PHLDB2: variants seen among roughly 807,000 people sequenced by gnomAD.
The protein encoded by PHLDB2 is pleckstrin homology like domain family B member 2.
In PHLDB2, 71 loss-of-function variants were observed where a neutral mutation model predicts 123.6. The ratio of observed to expected loss-of-function variants is 0.57; its 90% CI spans 0.47 to 0.70. The LOEUF (loss-of-function observed/expected upper bound fraction) is 0.70. Among genes scored for constraint, PHLDB2 ranks in the 30% least tolerant of loss-of-function variants. PHLDB2 has a pLI of 0.00. For missense variants in PHLDB2, 1,446 were observed against 1,519.5 expected (o/e 0.95, Z 0.80); for synonymous variants, 547 against 541.6 (o/e 1.01, Z -0.14).
At chr3:111,779,228 G>A (rs1184597912) in intron 1 of PHLDB2, among the ~76,000 whole-genome samples, 2 of 149,508 alleles carry the variant, frequency 1.3e-5, no homozygotes, top group Admixed American at 6.6e-5. Context: ...AACCTTTCAG[G>A]TTCCCAAAAT....
intron 1 of PHLDB2, among the ~76,000 whole-genome samples, chr3:111,875,159 T>G (rs916997932): frequency 2.3e-4 from 34 of 148,842 alleles, no homozygotes; most frequent in Non-Finnish European, 3.7e-4. Context: ...ATCAAGACTG[T>G]TTTTTTTTGC....
At chr3:111,868,473 A>G (rs1261787843) in intron 1 of PHLDB2, among the ~76,000 whole-genome samples, 1 of 151,746 alleles carries the variant, frequency 6.6e-6, no homozygotes, top group African/African-American at 2.4e-5. Flanking sequence ...TTGCTTATTC[A>G]TGAGTCTTCC....
At chr3:111,897,648 G>A (rs565118250) in intron 2 of PHLDB2, among the ~76,000 whole-genome samples, 1 of 152,364 alleles carries the variant, frequency 6.6e-6, no homozygotes, top group South Asian at 2.1e-4. Flanking sequence ...AAAATGCTGA[G>A]TAGAATTAAG....
chr3:111,942,025 T>C (rs2069930494), intron 8 of PHLDB2, among the ~76,000 whole-genome samples: 1 of 152,200 alleles, frequency 6.6e-6, no homozygotes, highest in Non-Finnish European at 1.5e-5. Flanking sequence ...ATTAGCATCC[T>C]CACTACTATT....
At chr3:111,886,630 G>T (rs1414863230) in intron 2 of PHLDB2, among the ~76,000 whole-genome samples, 1 of 152,150 alleles carries the variant, frequency 6.6e-6, no homozygotes, top group African/African-American at 2.4e-5. Flanking sequence ...GTAATCATTT[G>T]CATCACTCAT....
At chr3:111,753,107 G>A (rs985084257) in intron 1 of PHLDB2, among the ~76,000 whole-genome samples, 12 of 151,782 alleles carry the variant, frequency 7.9e-5, no homozygotes, top group Middle Eastern at 3.2e-3. Flanking sequence ...CGCAATAAAC[G>A]TATGTGTGCA....
intron 1 of PHLDB2, among the ~76,000 whole-genome samples, chr3:111,863,401 A>G (rs1487158424): frequency 6.6e-6 from 1 of 152,208 alleles, no homozygotes; most frequent in African/African-American, 2.4e-5. Context: ...TGGAAGAAAA[A>G]AAGACACCTG....
intron 1 of PHLDB2, 31 bp from the exon 2 acceptor site, chr3:111,884,033 A>T: frequency 6.4e-7 from 1 of 1,568,850 alleles, no homozygotes; most frequent in Non-Finnish European, 8.6e-7. Flanking sequence ...ATCTTCTTTA[A>T]GGCAAAATTT....
chr3:111,947,648 A>G (rs1379999198), intron 9 of PHLDB2, among the ~76,000 whole-genome samples: 1 of 152,208 alleles, frequency 6.6e-6, no homozygotes, highest in Admixed American at 6.5e-5. Flanking sequence ...GAAAAACTCA[A>G]AATTGTTCAT....
At chr3:111,752,072 A>G (rs965872944) in intron 1 of PHLDB2, among the ~76,000 whole-genome samples, 41 of 152,320 alleles carry the variant, frequency 2.7e-4, no homozygotes, top group Admixed American at 9.2e-4. Flanking sequence ...TGAGCAAACC[A>G]CAGAAACATA....
Position 111,953,938 on chromosome 3 carries a change from G to A in PHLDB2, c.2781G>A (p.Leu927=), listed in dbSNP as rs751820647. The A allele has an allele frequency of 3.3e-5, 53 of 1,613,404 alleles. No individual in the cohort carries two copies. The highest frequency in any genetic ancestry group is 1.5e-4 in the Admixed American group (9 of 59,916). Residue 927 remains leucine, a synonymous_variant, in exon 12 of 18, where the codon CTG becomes CTA. Transcript: ENST00000431670. ...CCTCCTGCTTCCCGCAGGCCCATCT[G>A]CCCCTAGGACAGAGTAACAGCTGTG... The part of the protein sequence containing the change: ...MGRSITPKAH[L]PLGQSNSCGS...
chr3:111,912,197 A>G (rs912258314), intron 2 of PHLDB2, among the ~76,000 whole-genome samples: 1 of 152,206 alleles, frequency 6.6e-6, no homozygotes, highest in Non-Finnish European at 1.5e-5. Context: ...TCCTACCTCA[A>G]GCAATGCTGT....
chr3:111,756,017 C>T (rs1409672038), intron 1 of PHLDB2, among the ~76,000 whole-genome samples: 3 of 151,972 alleles, frequency 2.0e-5, no homozygotes, highest in Non-Finnish European at 2.9e-5. Context: ...GTCTGAGAGA[C>T]AGTTTGTTAT....
intron 14 of PHLDB2, 37 bp downstream of exon 14, chr3:111,966,740 C>T: frequency 6.4e-7 from 1 of 1,562,802 alleles, no homozygotes; most frequent in Non-Finnish European, 8.8e-7. Context: ...GTCTGTGATA[C>T]CGTGGTGCAG....
chr3:111,838,835 C>A (rs1334975070), intron 1 of PHLDB2, among the ~76,000 whole-genome samples: 1 of 151,836 alleles, frequency 6.6e-6, no homozygotes, highest in Non-Finnish European at 1.5e-5. Context: ...CATATACTGA[C>A]CTAAGAACAG....
chr3:111,836,224 G>A (rs2108521070), intron 1 of PHLDB2, among the ~76,000 whole-genome samples: 1 of 152,290 alleles, frequency 6.6e-6, no homozygotes, highest in African/African-American at 2.4e-5. Context: ...CCATGATGAA[G>A]CATGTGTTCA....
intron 1 of PHLDB2, among the ~76,000 whole-genome samples, chr3:111,746,574 G>A (rs1331952847): frequency 1.3e-5 from 2 of 152,116 alleles, no homozygotes; most frequent in Non-Finnish European, 2.9e-5. Flanking sequence ...ACCAACCTGG[G>A]CAACATAGCA....
chr3:111,854,623 GAAC>G (rs2064402447), upstream of PHLDB2, among the ~76,000 whole-genome samples: 1 of 152,136 alleles, frequency 6.6e-6, no homozygotes, highest in Non-Finnish European at 1.5e-5. Context: ...TAATAAAAGA[GAAC>G]AATAGCAAAA....
At chr3:111,817,983 G>A (rs1238175760) in intron 1 of PHLDB2, among the ~76,000 whole-genome samples, 1 of 152,056 alleles carries the variant, frequency 6.6e-6, no homozygotes, top group African/African-American at 2.4e-5. Flanking sequence ...ATGAGCTATG[G>A]TGCCTTATTT....
Sources: gnomAD v4.1 joint callset for allele counts (sites outside exome capture counted in the v4.1 genomes callset) on GRCh38, gnomAD v4.1.1 for gene constraint, MANE v1.5 for transcripts, NCBI Gene and HGNC (gene_info 2026-07-23, HGNC 2026-07-21) for gene names.